MIR2052HG: variants seen among roughly 807,000 people sequenced by gnomAD.
MIR2052HG encodes MIR2052 host gene.
At chr8:74,731,573 C>G (rs1162539722) in intron 4 of MIR2052HG, among the ~76,000 whole-genome samples, 1 of 152,078 alleles carries the variant, frequency 6.6e-6, no homozygotes, top group Non-Finnish European at 1.5e-5. Context: ...ACTGCATTAC[C>G]TAGAGACAAC....
intron 2 of MIR2052HG, among the ~76,000 whole-genome samples, chr8:74,697,975 C>T (rs186474078): frequency 6.0e-4 from 92 of 152,142 alleles, no homozygotes; most frequent in South Asian, 8.3e-4. Flanking sequence ...CAAAATACCA[C>T]GATCATTCTT....
In MIR2052HG at chr8:74,696,882, A is replaced by G. The variant is rs985911325; in HGVS notation, n.217-5497A>G. On this transcript the variant is annotated intron_variant and non_coding_transcript_variant, in intron 2 of 6. Transcript: ENST00000523442. Reference sequence around the variant, plus strand: ...CCAGATGGTTTCACAGCTGAATTCTATCAGACATTCAAAGAAGAATTTGCA... The same window carrying G: ...CCAGATGGTTTCACAGCTGAATTCTGTCAGACATTCAAAGAAGAATTTGCA... 9.2e-5 allele frequency among the ~76,000 whole-genome samples: 14 copies of G among 152,254 alleles called. No individual in the cohort carries two copies. The East Asian group carries it at 2.3e-3, about 25-fold the overall frequency.
At chr8:74,663,039 T>C (rs1034475666) in intron 2 of MIR2052HG, among the ~76,000 whole-genome samples, 9 of 152,214 alleles carry the variant, frequency 5.9e-5, no homozygotes, top group African/African-American at 2.2e-4. Context: ...CATCTTATTT[T>C]AATCTTGAAT....
At chr8:74,677,908 G>A (rs974946479) in intron 2 of MIR2052HG, among the ~76,000 whole-genome samples, 3 of 151,830 alleles carry the variant, frequency 2.0e-5, no homozygotes, top group Admixed American at 1.3e-4. Flanking sequence ...GACTGATTGA[G>A]GAAAAAAGGA....
At chr8:74,736,445 A>C (rs964759741) in intron 4 of MIR2052HG, among the ~76,000 whole-genome samples, 5 of 152,200 alleles carry the variant, frequency 3.3e-5, no homozygotes, top group Non-Finnish European at 7.3e-5. Context: ...GGGGTAGGGA[A>C]AAAATTTGTG....
chr8:74,640,375 G>A (rs1385619528), intron 2 of MIR2052HG, among the ~76,000 whole-genome samples: 6 of 150,736 alleles, frequency 4.0e-5, no homozygotes, highest in Non-Finnish European at 8.8e-5. Context: ...GGAGGCTGAG[G>A]CAGAAGAATC....
chr8:74,756,706 A>G (rs1810003497), intron 5 of MIR2052HG: 1 of 152,164 alleles, frequency 6.6e-6, no homozygotes, highest in Admixed American at 6.5e-5. Context: ...CCAAATGGAC[A>G]GTGATTCTAC....
At chr8:74,621,909 T>C (rs35074808) in intron 2 of MIR2052HG, among the ~76,000 whole-genome samples, 40,352 of 152,104 alleles carry the variant, frequency 0.27, 5,971 homozygotes, top group East Asian at 0.57. Context: ...TCAGAATGGA[T>C]TAGAGACTCA....
At chr8:74,722,548 T>C (rs929086557) in intron 4 of MIR2052HG, among the ~76,000 whole-genome samples, 1 of 152,202 alleles carries the variant, frequency 6.6e-6, no homozygotes, top group Non-Finnish European at 1.5e-5. Flanking sequence ...ATAACCTTGC[T>C]TTCTCTTTTT....
chr8:74,661,097 G>A (rs1006968271), intron 2 of MIR2052HG, among the ~76,000 whole-genome samples: 10 of 151,984 alleles, frequency 6.6e-5, no homozygotes, highest in African/African-American at 2.4e-4. Context: ...AACAGCAAGT[G>A]AAACAGGACC....
At chr8:74,672,465 G>A (rs1248569356) in intron 2 of MIR2052HG, among the ~76,000 whole-genome samples, 23 of 152,074 alleles carry the variant, frequency 1.5e-4, no homozygotes, top group Non-Finnish European at 1.5e-5. Flanking sequence ...GGTAAATGTA[G>A]TGAAATGGAC....
chr8:74,606,749 GGTGACAATCT>G (rs1352347228), intron 1 of MIR2052HG, among the ~76,000 whole-genome samples: 1 of 152,042 alleles, frequency 6.6e-6, no homozygotes, highest in Non-Finnish European at 1.5e-5. Flanking sequence ...TTGATACCTG[GGTGACAATCT>G]GTGCAACAAA....
At chr8:74,708,084 C>T (rs1035626992) in intron 4 of MIR2052HG, among the ~76,000 whole-genome samples, 7 of 152,028 alleles carry the variant, frequency 4.6e-5, no homozygotes, top group Non-Finnish European at 1.0e-4. Flanking sequence ...AGAGAGTCTT[C>T]GGCTTTCTCT....
chr8:74,748,583 T>TA (rs1809911370), intron 4 of MIR2052HG, among the ~76,000 whole-genome samples: 1 of 152,230 alleles, frequency 6.6e-6, no homozygotes. Flanking sequence ...AAGAACCATA[T>TA]AACAAGGTGC....
chr8:74,704,191 G>A (rs1000378629), intron 4 of MIR2052HG, among the ~76,000 whole-genome samples: 6 of 151,962 alleles, frequency 3.9e-5, no homozygotes, highest in Admixed American at 6.6e-5. Context: ...TTACTGGAAA[G>A]CAGAGGTCCT....
chr8:74,722,357 A>G (rs551483331), intron 4 of MIR2052HG, among the ~76,000 whole-genome samples: 48 of 152,348 alleles, frequency 3.2e-4, no homozygotes, highest in Admixed American at 1.0e-3. Flanking sequence ...ATATTTTAAA[A>G]AATCTTTACA....
intron 1 of MIR2052HG, among the ~76,000 whole-genome samples, chr8:74,606,753 A>G (rs1363958804): frequency 6.6e-6 from 1 of 152,206 alleles, no homozygotes; most frequent in Non-Finnish European, 1.5e-5. Flanking sequence ...TACCTGGGTG[A>G]CAATCTGTGC....
At chr8:74,649,343 T>G (rs1044055141) in intron 2 of MIR2052HG, among the ~76,000 whole-genome samples, 2 of 152,046 alleles carry the variant, frequency 1.3e-5, no homozygotes, top group African/African-American at 4.8e-5. Context: ...TTTTTGTGTG[T>G]GTGATTTAGT....
At chr8:74,705,114 TG>T (rs1415069620) in intron 4 of MIR2052HG, among the ~76,000 whole-genome samples, 22 of 151,916 alleles carry the variant, frequency 1.4e-4, no homozygotes, top group Non-Finnish European at 3.1e-4. Context: ...GGGCAACTTT[TG>T]CATCAGAGTT....
Sources: gnomAD v4.1 joint callset for allele counts (sites outside exome capture counted in the v4.1 genomes callset) on GRCh38, gnomAD v4.1.1 for gene constraint, MANE v1.5 for transcripts, NCBI Gene and HGNC (gene_info 2026-07-23, HGNC 2026-07-21) for gene names.